DACH1: variants seen among roughly 807,000 people sequenced by gnomAD.
DACH1 encodes the protein dachshund family transcription factor 1, also known as dachshund homolog 1.
In DACH1, 12 loss-of-function variants were observed where a neutral mutation model predicts 54.2. The ratio of observed to expected loss-of-function variants is 0.22; its 90% CI spans 0.14 to 0.36. The LOEUF (loss-of-function observed/expected upper bound fraction) is 0.36, where lower values mean the gene tolerates loss of function less well. DACH1 is among the 10% of genes least tolerant of loss of function. The pLI is 1.00. For missense variants in DACH1, 805 were observed against 929.8 expected, an observed-to-expected ratio of 0.87 and a Z score of 1.75; for synonymous variants, 386 against 366.2, an observed-to-expected ratio of 1.05 and a Z score of -0.62.
chr13:71,654,953 G>C (rs185251708), intron 2 of DACH1, among the ~76,000 whole-genome samples: 1 of 152,296 alleles, frequency 6.6e-6, no homozygotes, highest in Admixed American at 6.5e-5. Flanking sequence ...TTTGCATGTT[G>C]TACAGACTTA....
Position 71,439,176 on chromosome 13 carries a change from TCATA to T in DACH1, c.*1475_*1478del. On this transcript the variant is annotated 3_prime_UTR_variant, in exon 11 of 11. Transcript: ENST00000613252. ...TTTGTGGTAATAAATAATGTTACGA[TCATA>T]CAATTTTAAGATGACAGAAAAATCA... The T allele has an allele frequency of 6.6e-6, 1 of 152,500 alleles. No homozygotes were observed. Among genetic ancestry groups the T allele is most frequent in the East Asian group, 1.9e-4 (1 of 5,202 alleles). 9.4% of individuals were successfully genotyped at this position (152,500 alleles called of 1,614,324 possible).
chr13:71,721,726 T>A (rs1003622830), intron 1 of DACH1, among the ~76,000 whole-genome samples: 1 of 152,170 alleles, frequency 6.6e-6, no homozygotes, highest in African/African-American at 2.4e-5. Context: ...TTGTGCGATA[T>A]CATAAAATAA....
At chr13:71,755,172 A>G (rs1233558280) in intron 1 of DACH1, among the ~76,000 whole-genome samples, 1 of 152,134 alleles carries the variant, frequency 6.6e-6, no homozygotes, top group African/African-American at 2.4e-5. Flanking sequence ...AGTAGCTTTA[A>G]TTTTTTATAG....
At chr13:71,577,109 T>G (rs1462942063) in intron 3 of DACH1, among the ~76,000 whole-genome samples, 1 of 152,102 alleles carries the variant, frequency 6.6e-6, no homozygotes, top group African/African-American at 2.4e-5. Context: ...CATGATCGTC[T>G]AAGCTCCTTA....
chr13:71,479,431 G>A (rs368317725), intron 7 of DACH1, 115 bp from the exon 8 acceptor site: 45 of 978,132 alleles, frequency 4.6e-5, no homozygotes, highest in South Asian at 3.0e-4. Flanking sequence ...TAATTCTTTC[G>A]CATTCACTCT....
chr13:71,564,362 T>C (rs184093385), intron 4 of DACH1, among the ~76,000 whole-genome samples: 54 of 152,052 alleles, frequency 3.6e-4, no homozygotes, highest in Non-Finnish European at 1.8e-4. Context: ...CACTCCTTTA[T>C]AGTCCTGAAT....
intron 10 of DACH1, among the ~76,000 whole-genome samples, chr13:71,448,410 G>C (rs990427091): frequency 6.6e-6 from 1 of 152,178 alleles, no homozygotes; most frequent in African/African-American, 2.4e-5. Context: ...TGTGATATTT[G>C]ATAAGACAAC....
chr13:71,701,903 C>T (rs921237285), intron 1 of DACH1, among the ~76,000 whole-genome samples: 5 of 152,166 alleles, frequency 3.3e-5, no homozygotes, highest in Admixed American at 6.5e-5. Context: ...TGCTTTCTTG[C>T]GACACTAAAA....
intron 5 of DACH1, 122 bp downstream of exon 5, chr13:71,559,698 G>T: frequency 7.9e-7 from 1 of 1,265,374 alleles, no homozygotes; most frequent in Non-Finnish European, 1.1e-6. Context: ...GATGGCTATT[G>T]CTACAGAGTT....
intron 1 of DACH1, among the ~76,000 whole-genome samples, chr13:71,687,975 T>A (rs374938284): frequency 6.6e-6 from 1 of 152,218 alleles, no homozygotes; most frequent in African/African-American, 2.4e-5. Flanking sequence ...GACTTCATTG[T>A]GGACAAATCA....
At chr13:71,779,150 C>CATATATACGTATATACGTATATATGTGT (rs1886205887) in intron 1 of DACH1, among the ~76,000 whole-genome samples, 1 of 128,338 alleles carries the variant, frequency 7.8e-6, no homozygotes, top group Non-Finnish European at 1.6e-5. Context: ...CATATATACA[C>CATATATACGTATATACGTATATATGTGT]ATATATACGT....
chr13:71,747,545 C>T (rs1284931265), intron 1 of DACH1, among the ~76,000 whole-genome samples: 2 of 152,096 alleles, frequency 1.3e-5, no homozygotes, highest in Non-Finnish European at 2.9e-5. Context: ...CGCACCATTG[C>T]ACTCCAGCCT....
intron 6 of DACH1, among the ~76,000 whole-genome samples, chr13:71,535,300 C>A (rs539304223): frequency 5.3e-5 from 8 of 151,694 alleles, no homozygotes; most frequent in Non-Finnish European, 1.0e-4. Context: ...CGGTGTATAT[C>A]ATGTGAATTT....
intron 3 of DACH1, among the ~76,000 whole-genome samples, chr13:71,604,728 G>GGAGTTCTTAGAGAA (rs1187346738): frequency 6.6e-6 from 1 of 151,866 alleles, no homozygotes; most frequent in Non-Finnish European, 1.5e-5. Context: ...GAACCCAGGT[G>GGAGTTCTTAGAGAA]TCACATGGCA....
At chr13:71,492,723 CTT>C (rs1163270699) in intron 6 of DACH1, among the ~76,000 whole-genome samples, 2 of 151,036 alleles carry the variant, frequency 1.3e-5, no homozygotes, top group Non-Finnish European at 3.0e-5. Flanking sequence ...CTCTCCCTCT[CTT>C]GTTCTGTGTG....
At chr13:71,449,274 C>T (rs939344936) in intron 10 of DACH1, among the ~76,000 whole-genome samples, 3 of 151,508 alleles carry the variant, frequency 2.0e-5, no homozygotes, top group East Asian at 1.9e-4. Context: ...TGCAGTGAGC[C>T]GAGATCGAAC....
chr13:71,485,554 C>G (rs1412391682), intron 7 of DACH1, among the ~76,000 whole-genome samples: 1 of 113,720 alleles, frequency 8.8e-6, no homozygotes, highest in Non-Finnish European at 1.9e-5. Flanking sequence ...TTACTTCATT[C>G]ATTATAACTT....
chr13:71,490,932 G>A (rs1364612614), intron 6 of DACH1, among the ~76,000 whole-genome samples: 1 of 152,192 alleles, frequency 6.6e-6, no homozygotes, highest in African/African-American at 2.4e-5. Context: ...CATAGAACCA[G>A]ATGACCACCT....
chr13:71,699,402 G>C (rs1376725380), intron 1 of DACH1, among the ~76,000 whole-genome samples: 2 of 152,062 alleles, frequency 1.3e-5, no homozygotes, highest in Non-Finnish European at 2.9e-5. Flanking sequence ...TCAAAAACTA[G>C]CTTTTCCTTC....
Sources: allele counts gnomAD v4.1 joint callset (sites outside exome capture counted in the v4.1 genomes callset), GRCh38; gene constraint gnomAD v4.1.1; transcripts MANE v1.5; gene names NCBI Gene and HGNC (gene_info 2026-07-23, HGNC 2026-07-21).